The following COL9A3 variants were observed in gnomAD, a reference collection of about 807,000 sequenced individuals.
COL9A3 encodes collagen alpha-3(IX) chain.
Under a neutral mutation model 110.2 loss-of-function variants are expected in COL9A3, and 82 were observed. The ratio of observed to expected loss-of-function variants is 0.74; its 90% CI spans 0.62 to 0.89. The LOEUF (loss-of-function observed/expected upper bound fraction) is 0.89, where lower values mean the gene tolerates loss of function less well. COL9A3 is among the 40% of genes least tolerant of loss of function. The pLI is 0.00. For synonymous variants in COL9A3, 494 were observed against 403.8 expected, an observed-to-expected ratio of 1.22 and a Z score of -2.68; for missense variants, 1,066 against 981.3, an observed-to-expected ratio of 1.09 and a Z score of -1.15.
intron 29 of COL9A3, chr20:62,836,766 G>A: frequency 1.6e-6 from 1 of 624,660 alleles, no homozygotes; most frequent in Non-Finnish European, 2.8e-6. Flanking sequence ...CCAGCACGCA[G>A]CAGACGCCCT....
chr20:62,837,387 G>A lies in COL9A3; in HGVS notation c.1786+122G>A, dbSNP rs1600811919. 1.4e-5 allele frequency: 15 copies of A among 1,063,298 alleles called. No individual in the cohort carries two copies. The East Asian group carries it at 1.8e-4, about 13-fold the overall frequency. The allele number at this position is 1,063,298 out of a possible 1,614,324, so 65.9% of individuals were successfully genotyped here. On this transcript the variant is annotated intron_variant, in intron 30 of 31. Coordinates refer to ENST00000649368, the MANE Select transcript of COL9A3 (RefSeq NM_001853.4). ...CAGGGGTAACCCCTGGAACGTGGGG[G>A]CCTCTCATGTTTTGGGGCCTAGCGC...
intron 27 of COL9A3, 39 bp from the exon 28 acceptor site, chr20:62,836,147 TG>T: frequency 6.2e-7 from 1 of 1,607,660 alleles, no homozygotes; most frequent in Non-Finnish European, 8.5e-7. Context: ...TCTGGGCTCC[TG>T]GGCTCGCCCC....
intron 26 of COL9A3, among the ~76,000 whole-genome samples, chr20:62,833,490 G>A (rs905444390): frequency 2.0e-5 from 3 of 151,036 alleles, no homozygotes; most frequent in Non-Finnish European, 4.4e-5. Flanking sequence ...TGCAAGCTCC[G>A]CCTCCCGGGT....
intron 30 of COL9A3, among the ~76,000 whole-genome samples, chr20:62,838,432 C>T (rs1185818848): frequency 1.3e-5 from 2 of 152,238 alleles, no homozygotes; most frequent in Non-Finnish European, 2.9e-5. Context: ...GTATGATAAT[C>T]TTAAGGGACC....
Position 62,832,182 on chromosome 20 carries a change from G to A in COL9A3, c.1316G>A (p.Gly439Glu). ...CCGGGAGGTGCCGCAGGCCCTAAGG[G>A]AGACCAGGTGAGCTGGGCACAGGCT... ...RGPGGAAGPK[G>E]DQGIAGSDGL... The change falls in exon 25 of 32, where the codon GGA becomes GAA. Residue 439 changes from glycine to glutamate, a missense_variant. By Grantham distance (98) the Gly-to-Glu change is moderately conservative. Coordinates refer to ENST00000649368, the MANE Select transcript of COL9A3 (RefSeq NM_001853.4). The A allele has an allele frequency of 6.2e-7, 1 of 1,612,876 alleles. No individual in the cohort carries two copies. Among genetic ancestry groups the A allele is most frequent in the Non-Finnish European group, 8.5e-7 (1 of 1,179,776 alleles).
chr20:62,825,645 C>T (rs557016235), intron 12 of COL9A3, 172 bp from the exon 13 acceptor site: 27 of 699,944 alleles, frequency 3.9e-5, no homozygotes, highest in Admixed American at 7.2e-5. Flanking sequence ...CCGAGACTCG[C>T]GGGACTGCTC....
intron 10 of COL9A3, 107 bp from the exon 11 acceptor site, chr20:62,824,338 C>T (rs1490238269): frequency 1.2e-5 from 14 of 1,210,434 alleles, no homozygotes; most frequent in East Asian, 1.0e-4. Context: ...CCCGGGGTCC[C>T]GTCACCGTGC....
At chr20:62,821,475 G>A in intron 6 of COL9A3, 32 bp from the exon 7 acceptor site, 1 of 1,612,858 alleles carries the variant, frequency 6.2e-7, no homozygotes, top group Non-Finnish European at 8.5e-7. Context: ...TCTTGTGCCT[G>A]GCAGGCTCTG....
intron 7 of COL9A3, 65 bp from the exon 8 acceptor site, chr20:62,821,692 C>A: frequency 1.3e-6 from 2 of 1,556,104 alleles, no homozygotes; most frequent in Non-Finnish European, 1.8e-6. Context: ...GGCACACCAA[C>A]CCTGGGTGGG....
At chr20:62,833,497 G>A (rs567576998) in intron 26 of COL9A3, among the ~76,000 whole-genome samples, 23 of 151,354 alleles carry the variant, frequency 1.5e-4, no homozygotes, top group Non-Finnish European at 2.8e-4. Flanking sequence ...TCCGCCTCCC[G>A]GGTTCACGCC....
intron 5 of COL9A3, 68 bp from the exon 6 acceptor site, chr20:62,821,113 C>T (rs2063508842): frequency 2.0e-6 from 3 of 1,518,504 alleles, no homozygotes; most frequent in Middle Eastern, 1.7e-4. Flanking sequence ...CGTCACACTT[C>T]AGAGGGAGGG....
chr20:62,825,578 G>T, intron 12 of COL9A3: 1 of 604,380 alleles, frequency 1.7e-6, no homozygotes. Flanking sequence ...CCTGGACAGG[G>T]CTGAAGGGCC....
At chr20:62,826,332 T>G (rs989241592) in intron 14 of COL9A3, 75 bp downstream of exon 14, 1 of 1,354,700 alleles carries the variant, frequency 7.4e-7, no homozygotes, top group African/African-American at 1.4e-5. Context: ...AGACTTCAGA[T>G]GGGCCCCGTG....
At chr20:62,831,851 C>T (rs1442847726) in intron 24 of COL9A3, 13 of 489,104 alleles carry the variant, frequency 2.7e-5, no homozygotes, top group Admixed American at 2.3e-4. Flanking sequence ...TTTGACTCTA[C>T]TGTGACGGAA....
In COL9A3 at chr20:62,840,566, G is replaced by C. The variant is rs2063669196; in HGVS notation, c.1889G>C (p.Ser630Thr). ...GGACCCCAAGGCGTGCCCGGCACCA[G>C]CAAGGACGGCCAGGACGGTGCTCCC... ...PQGPQGVPGTSKDGQDGAPGE... is the reference protein window; with the variant it reads ...PQGPQGVPGTTKDGQDGAPGE... The change falls in exon 32 of 32, where the codon AGC becomes ACC. Residue 630 changes from serine to threonine, a missense_variant. By Grantham distance (58) the Ser-to-Thr change is moderately conservative. Transcript: ENST00000649368. 6.2e-7 allele frequency: 1 copy of C among 1,612,476 alleles called. No individual in the cohort carries two copies. Among genetic ancestry groups the C allele is most frequent in the East Asian group, 2.2e-5 (1 of 44,886 alleles).
chr20:62,821,012 C>T (rs2063508329), intron 5 of COL9A3, among the ~76,000 whole-genome samples, 169 bp from the exon 6 acceptor site: 1 of 152,190 alleles, frequency 6.6e-6, no homozygotes, highest in African/African-American at 2.4e-5. Flanking sequence ...CCCAGGACGG[C>T]AAAGACCCTC....
At chr20:62,817,189 GC>G in intron 1 of COL9A3, 47 bp downstream of exon 1, 1 of 1,267,694 alleles carries the variant, frequency 7.9e-7, no homozygotes, top group Non-Finnish European at 1.0e-6. Context: ...AGCCGCGACC[GC>G]CCCAGCCCCG....
chr20:62,833,524 C>G (rs1004615787), intron 26 of COL9A3, among the ~76,000 whole-genome samples: 3 of 151,752 alleles, frequency 2.0e-5, no homozygotes, highest in Admixed American at 1.3e-4. Flanking sequence ...CTGCCTCAGC[C>G]TCCCAAGTAC....
chr20:62,834,071 ACCATGCTGG>A (rs2063617315), intron 26 of COL9A3, among the ~76,000 whole-genome samples: 1 of 151,906 alleles, frequency 6.6e-6, no homozygotes, highest in South Asian at 2.1e-4. Context: ...ACAAGGTTTC[ACCATGCTGG>A]CCAGGCTGGT....
Sources: gnomAD v4.1 joint callset for allele counts (sites outside exome capture counted in the v4.1 genomes callset) on GRCh38, gnomAD v4.1.1 for gene constraint, MANE v1.5 for transcripts, NCBI Gene and HGNC (gene_info 2026-07-23, HGNC 2026-07-21) for gene names.